Variants in AFF3 observed in about 807,000 individuals in gnomAD.
AFF3 encodes ALF transcription elongation factor 3.
AFF3 carries 32 observed loss-of-function variants against 129.7 expected under a neutral mutation model. The ratio of observed to expected loss-of-function variants is 0.25; its 90% CI spans 0.19 to 0.33. The LOEUF is 0.33. AFF3 is among the 10% of genes least tolerant of loss of function. The pLI is 1.00. For synonymous variants in AFF3, 644 were observed against 635.4 expected, an observed-to-expected ratio of 1.01 and a Z score of -0.20; for missense variants, 1,373 against 1,592.0, an observed-to-expected ratio of 0.86 and a Z score of 2.34.
chr2:99,740,361 A>G (rs1270221504), intron 10 of AFF3, among the ~76,000 whole-genome samples: 1 of 151,470 alleles, frequency 6.6e-6, no homozygotes, highest in African/African-American at 2.4e-5. Context: ...TGGTATTTCT[A>G]GTTCTAGATC....
intron 13 of AFF3, among the ~76,000 whole-genome samples, chr2:99,633,772 C>T (rs1292648344): frequency 6.6e-6 from 1 of 152,080 alleles, no homozygotes; most frequent in African/African-American, 2.4e-5. Context: ...TTTGCACCTG[C>T]CCACTTCTCC....
intron 4 of AFF3, among the ~76,000 whole-genome samples, chr2:100,043,365 A>G (rs1573232248): frequency 6.6e-6 from 1 of 152,224 alleles, no homozygotes; most frequent in East Asian, 1.9e-4. Context: ...CTCAGCAACC[A>G]TCTTCTTCTG....
intron 7 of AFF3, among the ~76,000 whole-genome samples, chr2:100,001,718 C>T (rs1288889262): frequency 2.0e-5 from 3 of 152,216 alleles, no homozygotes; most frequent in African/African-American, 7.2e-5. Context: ...TAAGCCACTG[C>T]GCCCAGCCCA....
chr2:99,684,614 A>ATT lies in AFF3; in HGVS notation c.1092-12027_1092-12026dup, dbSNP rs199580507. On this transcript the variant is annotated intron_variant, in intron 11 of 24. Transcript: ENST00000672756. ...CACACTAAGGCATTTCCATGAATTC[A>ATT]TTTTTTTTTTTTTTTGAGACAGGAT... 5.8e-3 allele frequency among the ~76,000 whole-genome samples: 829 copies of ATT among 143,592 alleles called. 7 individuals carry two copies. The highest frequency in any genetic ancestry group is 0.018 in the African/African-American group (711 of 39,184). The allele number at this position is 143,592 out of a possible 152,430, so 94.2% of individuals were successfully genotyped here.
chr2:99,569,376 T>C (rs1372946892), intron 18 of AFF3, among the ~76,000 whole-genome samples: 1 of 152,236 alleles, frequency 6.6e-6, no homozygotes, highest in Non-Finnish European at 1.5e-5. Context: ...ATCTAGTACC[T>C]AGAGTTTTAT....
At chr2:99,635,105 GAT>G (rs1683514665) in intron 13 of AFF3, among the ~76,000 whole-genome samples, 4 of 151,130 alleles carry the variant, frequency 2.6e-5, no homozygotes, top group Non-Finnish European at 5.9e-5. Context: ...CTATGTATAT[GAT>G]ATATACACAT....
chr2:100,105,264 G>A, intron 3 of AFF3: 1 of 1,153,264 alleles, frequency 8.7e-7, no homozygotes, highest in South Asian at 1.6e-5. Context: ...GGGTGGGTGC[G>A]GGGGAATTCC....
intron 16 of AFF3, 60 bp downstream of exon 16, chr2:99,587,094 G>A (rs1575433940): frequency 6.2e-7 from 1 of 1,604,344 alleles, no homozygotes; most frequent in East Asian, 2.2e-5. Context: ...AACATAGCAG[G>A]TGACTTTCAG....
chr2:99,836,771 G>C (rs1368013205), intron 8 of AFF3, among the ~76,000 whole-genome samples: 1 of 151,900 alleles, frequency 6.6e-6, no homozygotes, highest in African/African-American at 2.4e-5. Flanking sequence ...GTTTTGCCCA[G>C]TGTAGTATCA....
At position 99,921,904 on chromosome 2, in the gene AFF3, T is replaced by C. The variant is rs73964365; in HGVS notation, c.874-84380A>G. ...ACACTATAAAAGATAGGCAAAAGAT[T>C]TGAAGAAACCCTTCACAAATGAAGA... On this transcript the variant is annotated intron_variant, in intron 7 of 24. Transcript: ENST00000672756. 2.5e-3 allele frequency among the ~76,000 whole-genome samples: 374 copies of C among 152,228 alleles called. 2 individuals are homozygous for C. The highest frequency in any genetic ancestry group is 8.3e-3 in the African/African-American group (343 of 41,546).
chr2:99,997,801 A>G (rs1241900239), intron 7 of AFF3, among the ~76,000 whole-genome samples: 7 of 150,986 alleles, frequency 4.6e-5, no homozygotes, highest in African/African-American at 1.5e-4. Context: ...TTTCCATCCT[A>G]CTCCACCTGG....
At chr2:99,747,172 G>A (rs1444101840) in intron 9 of AFF3, among the ~76,000 whole-genome samples, 1 of 151,872 alleles carries the variant, frequency 6.6e-6, no homozygotes, top group Admixed American at 6.6e-5. Flanking sequence ...GGGATTACAG[G>A]CACCTGCCAC....
intron 8 of AFF3, among the ~76,000 whole-genome samples, chr2:99,770,589 T>C (rs1376542817): frequency 1.3e-5 from 2 of 152,136 alleles, no homozygotes; most frequent in African/African-American, 4.8e-5. Flanking sequence ...GGGAATGTGG[T>C]GGGTCTCACC....
chr2:100,118,734 T>A (rs774286885), intron 2 of AFF3, among the ~76,000 whole-genome samples: 1 of 152,170 alleles, frequency 6.6e-6, no homozygotes, highest in Non-Finnish European at 1.5e-5. Context: ...TAGCACTGTT[T>A]ATGCTGTAGA....
rs190299201 is a variant in AFF3, at chr2:99,793,999, G to A, written c.922-41698C>T. On this transcript the variant is annotated intron_variant, in intron 8 of 24. Coordinates refer to ENST00000672756, the MANE Select transcript of AFF3 (RefSeq NM_001386135.1). ...GGTCAATATTTGTTCTAATTTCTCT[G>A]ATGATTTCTTCTTTGACACATGGAT... Among the ~76,000 whole-genome samples the A allele has an allele frequency of 3.9e-5, 6 of 152,268 alleles. No individual in the cohort carries two copies. The East Asian group carries it at 9.6e-4, about 24-fold the overall frequency.
At chr2:99,603,204 G>C (rs1397081554) in intron 13 of AFF3, among the ~76,000 whole-genome samples, 1 of 151,944 alleles carries the variant, frequency 6.6e-6, no homozygotes, top group Non-Finnish European at 1.5e-5. Flanking sequence ...TAGAGCTCAG[G>C]GGCTGTAATA....
chr2:99,992,014 T>TA (rs887321742), intron 7 of AFF3, among the ~76,000 whole-genome samples: 10 of 148,014 alleles, frequency 6.8e-5, no homozygotes, highest in East Asian at 2.0e-4. Flanking sequence ...TTTCAAAGAT[T>TA]AAAAAAAAAA....
chr2:99,650,299 C>T (rs1168285402), intron 12 of AFF3, among the ~76,000 whole-genome samples: 7 of 152,114 alleles, frequency 4.6e-5, no homozygotes, highest in African/African-American at 1.7e-4. Flanking sequence ...TGGCTCACAC[C>T]TGTAATCCCA....
intron 4 of AFF3, among the ~76,000 whole-genome samples, chr2:100,057,453 G>A (rs1242284991): frequency 6.6e-6 from 1 of 151,526 alleles, no homozygotes; most frequent in African/African-American, 2.4e-5. Context: ...TGGAATCTCT[G>A]TGCCTATTTA....
Sources: allele counts gnomAD v4.1 joint callset (sites outside exome capture counted in the v4.1 genomes callset), GRCh38; gene constraint gnomAD v4.1.1; transcripts MANE v1.5; gene names NCBI Gene and HGNC (gene_info 2026-07-23, HGNC 2026-07-21).